Variants in PCDHGA3 observed in about 807,000 individuals in gnomAD.
PCDHGA3 encodes protocadherin gamma subfamily A, 3, also known as protocadherin gamma-A3.
PCDHGA3 carries 40 observed loss-of-function variants against 58.5 expected under a neutral mutation model. The ratio of observed to expected loss-of-function variants is 0.68; its 90% CI spans 0.53 to 0.89. The LOEUF (loss-of-function observed/expected upper bound fraction) is 0.89. Among genes scored for constraint, PCDHGA3 ranks in the 40% least tolerant of loss-of-function variants. PCDHGA3 has a pLI of 0.00. For synonymous variants in PCDHGA3, 530 were observed against 525.7 expected (o/e 1.01, Z -0.11); for missense variants, 1,223 against 1,195.9 (o/e 1.02, Z -0.33).
chr5:141,376,152 C>T, intron 1 of PCDHGA3: 2 of 1,614,026 alleles, frequency 1.2e-6, no homozygotes, highest in Non-Finnish European at 1.7e-6. Context: ...TCGGACCTCA[C>T]TCTGTACCTG....
At chr5:141,411,880 A>G (rs1030232942) in intron 1 of PCDHGA3, 2 of 152,240 alleles carry the variant, frequency 1.3e-5, no homozygotes, top group African/African-American at 4.8e-5. Flanking sequence ...GACATTTCTA[A>G]GAAATAAATG....
At chr5:141,417,943 G>A (rs772925118) in intron 1 of PCDHGA3, 2 of 1,613,194 alleles carry the variant, frequency 1.2e-6, no homozygotes, top group Admixed American at 1.7e-5. Flanking sequence ...TCTACCCCAC[G>A]CTGTGTGAGC....
intron 1 of PCDHGA3, chr5:141,417,819 C>T: frequency 3.3e-6 from 5 of 1,513,202 alleles, no homozygotes; most frequent in Non-Finnish European, 3.5e-6. Flanking sequence ...GCACTTTCTC[C>T]AACTGGAAAA....
chr5:141,437,331 A>T (rs2097876062), intron 1 of PCDHGA3, among the ~76,000 whole-genome samples: 1 of 152,244 alleles, frequency 6.6e-6, no homozygotes, highest in South Asian at 2.1e-4. Context: ...TAAAATTTGT[A>T]GCTTCACTGT....
chr5:141,486,673 A>G lies in PCDHGA3; in HGVS notation c.2425-8134A>G. On this transcript the variant is annotated intron_variant, in intron 1 of 3. Transcript: ENST00000253812. The surrounding 1 kb of genome is among the most constrained non-coding windows in gnomAD (Gnocchi z 5.0). ...ACTCACTCCTGGAGCCCAGGAATCG[A>G]GATGTATCAGCTTCCTCTTTCATCT... The G allele has an allele frequency of 6.2e-7, 1 of 1,614,014 alleles. No homozygotes were observed. The highest frequency in any genetic ancestry group is 2.2e-5 in the East Asian group (1 of 44,866).
intron 1 of PCDHGA3, chr5:141,409,672 T>C (rs1411780634): frequency 2.5e-6 from 4 of 1,613,458 alleles, no homozygotes; most frequent in Non-Finnish European, 2.5e-6. Flanking sequence ...TCTCCTACTC[T>C]ATAGTGGCGA....
intron 1 of PCDHGA3, chr5:141,404,243 C>A: frequency 6.2e-7 from 1 of 1,613,810 alleles, no homozygotes; most frequent in Non-Finnish European, 8.5e-7. Flanking sequence ...AGGAACTCCG[C>A]CCCTGTCCAC....
chr5:141,467,715 G>C (rs904101145), intron 1 of PCDHGA3, among the ~76,000 whole-genome samples: 1 of 152,022 alleles, frequency 6.6e-6, no homozygotes, highest in Non-Finnish European at 1.5e-5. Flanking sequence ...AGGCTGGAGT[G>C]TAGTGGCACA....
chr5:141,474,405 G>C (rs2099348833), intron 1 of PCDHGA3, among the ~76,000 whole-genome samples: 1 of 152,196 alleles, frequency 6.6e-6, no homozygotes, highest in Admixed American at 6.5e-5. Context: ...AAGCTCCCCG[G>C]TGATGCCTAG....
intron 1 of PCDHGA3, chr5:141,388,283 C>T (rs1164558432): frequency 1.2e-6 from 2 of 1,613,304 alleles, no homozygotes; most frequent in East Asian, 4.5e-5. Flanking sequence ...CGCCAAAATT[C>T]ACGCAAAATT....
chr5:141,485,152 A>T lies in PCDHGA3; in HGVS notation c.2425-9655A>T. 1.3e-6 allele frequency: 2 copies of T among 1,586,090 alleles called. No homozygotes were observed. Among genetic ancestry groups the T allele is most frequent in the Non-Finnish European group, 8.6e-7 (1 of 1,157,176 alleles). ...CTTCATCCGCGTCTCAGGAGCAAGT[A>T]GAGAATTAGCGGGCGGCAGCAATGC... On this transcript the variant is annotated intron_variant, in intron 1 of 3. Coordinates refer to ENST00000253812, the MANE Select transcript of PCDHGA3 (RefSeq NM_018916.4). This position sits in a 1 kb window ranked among gnomAD's most constrained non-coding sequence, Gnocchi z 5.7.
At chr5:141,365,022 C>A in intron 1 of PCDHGA3, 1 of 1,613,864 alleles carries the variant, frequency 6.2e-7, no homozygotes, top group South Asian at 1.1e-5. Flanking sequence ...ATCCGTGTTA[C>A]GGTCCTCGAC....
At chr5:141,453,042 A>G (rs2098754438) in intron 1 of PCDHGA3, among the ~76,000 whole-genome samples, 1 of 152,116 alleles carries the variant, frequency 6.6e-6, no homozygotes, top group Non-Finnish European at 1.5e-5. Context: ...GTTTGTTTCT[A>G]TTATGTGCAG....
intron 1 of PCDHGA3, among the ~76,000 whole-genome samples, chr5:141,437,573 G>A (rs923321760): frequency 1.3e-5 from 2 of 152,164 alleles, no homozygotes; most frequent in African/African-American, 4.8e-5. Flanking sequence ...GAGTATAGCT[G>A]TGATCATGAA....
chr5:141,344,199 C>A lies in PCDHGA3; in HGVS notation c.166C>A (p.Pro56Thr). 6.2e-7 allele frequency: 1 copy of A among 1,614,030 alleles called. No homozygotes were observed. Among genetic ancestry groups the A allele is most frequent in the South Asian group, 1.1e-5 (1 of 91,082 alleles). The change falls in exon 1 of 4, where the codon CCC (proline) becomes ACC (threonine). Residue 56 changes from proline to threonine, a missense_variant. Coordinates refer to ENST00000253812, the MANE Select transcript of PCDHGA3 (RefSeq NM_018916.4). ...CATCGCTAACGACCTGGGGCTAGAG[C>A]CCCGGGAGCTGGCGGAGCGCGGAGT... Reference protein sequence around the residue: ...GNIANDLGLEPRELAERGVRI... With the variant: ...GNIANDLGLETRELAERGVRI...
chr5:141,472,954 C>A (rs2099305799), intron 1 of PCDHGA3, among the ~76,000 whole-genome samples: 1 of 143,370 alleles, frequency 7.0e-6, no homozygotes, highest in Admixed American at 7.3e-5. Flanking sequence ...CCATTGCACT[C>A]CAGCCTGGGG....
chr5:141,360,907 G>T, intron 1 of PCDHGA3: 1 of 1,613,998 alleles, frequency 6.2e-7, no homozygotes, highest in Non-Finnish European at 8.5e-7. Context: ...CGTGCCGCCG[G>T]GCTTCTTTGT....
chr5:141,385,368 T>TG, intron 1 of PCDHGA3: 4 of 1,535,720 alleles, frequency 2.6e-6, no homozygotes, highest in Non-Finnish European at 3.5e-6. Flanking sequence ...TTTATTTGCA[T>TG]GATATTTCTC....
At position 141,491,613 on chromosome 5, in the gene PCDHGA3, A is replaced by AC; in HGVS notation, c.2425-3190dup. On this transcript the variant is annotated intron_variant, in intron 1 of 3. Coordinates refer to ENST00000253812, the MANE Select transcript of PCDHGA3 (RefSeq NM_018916.4). The surrounding 1 kb of genome is among the most constrained non-coding windows in gnomAD (Gnocchi z 6.9). Reference sequence around the variant, plus strand: ...ACGGCAGTGACTTCACTTTTCTAAGACCCCTCAGCGTTCAGCAGCCCACAG... The same window carrying AC: ...ACGGCAGTGACTTCACTTTTCTAAGACCCCCTCAGCGTTCAGCAGCCCACAG... 6.2e-7 allele frequency: 1 copy of AC among 1,613,568 alleles called. No homozygotes were observed. Among genetic ancestry groups the AC allele is most frequent in the Non-Finnish European group, 8.5e-7 (1 of 1,179,968 alleles).
Sources: gnomAD v4.1 joint callset for allele counts (sites outside exome capture counted in the v4.1 genomes callset) on GRCh38, gnomAD v4.1.1 for gene constraint, Gnocchi (gnomAD v3.1) non-coding constraint, MANE v1.5 for transcripts, NCBI Gene and HGNC (gene_info 2026-07-23, HGNC 2026-07-21) for gene names.